Variants in MACROD2 observed in about 807,000 individuals in gnomAD.
MACROD2 encodes ADP-ribose glycohydrolase MACROD2.
In MACROD2, 36 loss-of-function variants were observed where a neutral mutation model predicts 70.4. The observed-to-expected ratio is 0.51, with a 90% CI of 0.39 to 0.68. MACROD2 has a LOEUF of 0.68. Among genes scored for constraint, MACROD2 ranks in the 30% least tolerant of loss-of-function variants. The pLI is 0.00. For missense variants in MACROD2, 496 were observed against 538.4 expected, an observed-to-expected ratio of 0.92 and a Z score of 0.78; for synonymous variants, 172 against 178.8, an observed-to-expected ratio of 0.96 and a Z score of 0.30.
intron 6 of MACROD2, among the ~76,000 whole-genome samples, chr20:15,396,579 A>T (rs2146301293): frequency 6.6e-6 from 1 of 152,362 alleles, no homozygotes; most frequent in Middle Eastern, 3.4e-3. Context: ...CAGGGCTCAG[A>T]GAGCGTTTTG....
At chr20:15,549,402 G>A (rs1045940051) in intron 8 of MACROD2, among the ~76,000 whole-genome samples, 1 of 152,168 alleles carries the variant, frequency 6.6e-6, no homozygotes, top group Non-Finnish European at 1.5e-5. Context: ...TATCTAAGCT[G>A]CAAGAGTTTG....
At chr20:14,220,832 C>T (rs1351679137) in intron 3 of MACROD2, among the ~76,000 whole-genome samples, 1 of 152,146 alleles carries the variant, frequency 6.6e-6, no homozygotes, top group African/African-American at 2.4e-5. Flanking sequence ...GGAGGGTCTC[C>T]CTCTCCCACT....
At chr20:15,792,007 A>T (rs1332364896) in intron 8 of MACROD2, among the ~76,000 whole-genome samples, 1 of 152,094 alleles carries the variant, frequency 6.6e-6, no homozygotes, top group Non-Finnish European at 1.5e-5. Flanking sequence ...AAATAGTATT[A>T]TCTATATAAA....
At chr20:15,518,304 G>A (rs952912525) in intron 8 of MACROD2, among the ~76,000 whole-genome samples, 1 of 152,234 alleles carries the variant, frequency 6.6e-6, no homozygotes, top group Non-Finnish European at 1.5e-5. Flanking sequence ...TGAGAAGATT[G>A]ATGAAATGGT....
At chr20:14,271,804 C>T (rs1402671154) in intron 3 of MACROD2, among the ~76,000 whole-genome samples, 1 of 152,088 alleles carries the variant, frequency 6.6e-6, no homozygotes, top group Admixed American at 6.5e-5. Context: ...CTTAAAGGAG[C>T]TGATGGAGCT....
intron 5 of MACROD2, among the ~76,000 whole-genome samples, chr20:14,827,375 A>G (rs2072913695): frequency 6.6e-6 from 1 of 152,154 alleles, no homozygotes; most frequent in African/African-American, 2.4e-5. Context: ...CAGCCCCTAC[A>G]TACAACAACA....
intron 8 of MACROD2, among the ~76,000 whole-genome samples, chr20:15,682,545 C>T (rs1160118637): frequency 6.6e-6 from 1 of 152,118 alleles, no homozygotes; most frequent in Non-Finnish European, 1.5e-5. Flanking sequence ...TTCATTTTTA[C>T]AAGAAGAAAC....
intron 13 of MACROD2, among the ~76,000 whole-genome samples, chr20:15,976,676 C>G (rs186187878): frequency 2.6e-5 from 4 of 152,088 alleles, no homozygotes; most frequent in Non-Finnish European, 5.9e-5. Context: ...AAGCCTGCCT[C>G]GTTTTCAAAG....
intron 5 of MACROD2, among the ~76,000 whole-genome samples, chr20:15,069,005 G>A (rs952024086): frequency 9.2e-5 from 14 of 152,170 alleles, no homozygotes; most frequent in African/African-American, 3.4e-4. Flanking sequence ...AATATGGACA[G>A]TGAAGGCCAG....
intron 10 of MACROD2, among the ~76,000 whole-genome samples, chr20:15,898,200 G>A (rs76746959): frequency 0.02 from 3,091 of 152,018 alleles, 58 homozygotes; most frequent in Middle Eastern, 0.041. Context: ...TGCCTCACAC[G>A]TGTGGCTCAT....
In MACROD2 at chr20:15,725,898, T is replaced by C. The variant is rs1038193375; in HGVS notation, c.646-136847T>C. Among the ~76,000 whole-genome samples, 3 of 152,212 alleles carry C rather than the reference T, an allele frequency of 2.0e-5. No homozygotes were observed. The East Asian group carries it at 5.8e-4, about 29-fold the overall frequency. On this transcript the variant is annotated intron_variant, in intron 8 of 17. Transcript: ENST00000684519. ...TGCAGGAACATCTGCGGGTTTGTTATATAGGTAAATTGTGTAAATTTACCT... is the reference window on the plus strand; with the variant it reads ...TGCAGGAACATCTGCGGGTTTGTTACATAGGTAAATTGTGTAAATTTACCT...
At chr20:15,881,611 C>A (rs1446926066) in intron 9 of MACROD2, among the ~76,000 whole-genome samples, 6 of 152,100 alleles carry the variant, frequency 3.9e-5, no homozygotes, top group Non-Finnish European at 7.4e-5. Flanking sequence ...CTTGGGACCT[C>A]TAGAACAATG....
chr20:15,231,997 C>G (rs967434266), intron 6 of MACROD2, among the ~76,000 whole-genome samples: 28 of 152,006 alleles, frequency 1.8e-4, no homozygotes, highest in Non-Finnish European at 4.4e-5. Context: ...TGGTAGACTA[C>G]AGTTGCCATC....
intron 8 of MACROD2, among the ~76,000 whole-genome samples, chr20:15,788,985 C>T (rs560898686): frequency 6.6e-6 from 1 of 152,266 alleles, no homozygotes; most frequent in East Asian, 1.9e-4. Context: ...AAGCATTTTG[C>T]TTTGCATATT....
rs1404844224 is a variant in MACROD2 at position 16,052,047 on chromosome 20, C to G, written c.*2171C>G. The G allele has an allele frequency of 6.6e-6, 1 of 152,122 alleles. No individual in the cohort carries two copies. The highest frequency in any genetic ancestry group is 1.5e-5 in the Non-Finnish European group (1 of 68,014). The allele number at this position is 152,122 out of a possible 1,614,324, so 9.4% of individuals were successfully genotyped here. A position where few individuals can be genotyped will look rare whatever the true frequency, so the allele number is the denominator to read the frequency against. On this transcript the variant is annotated 3_prime_UTR_variant, in exon 18 of 18. Transcript: ENST00000684519. ...AGGGAATTCTCTCTGCCTAAAAATT[C>G]TAGAAGAATGAAAGTAATCTTTGTA...
chr20:15,033,146 G>C (rs1356396683), intron 5 of MACROD2, among the ~76,000 whole-genome samples: 1 of 152,172 alleles, frequency 6.6e-6, no homozygotes, highest in Non-Finnish European at 1.5e-5. Flanking sequence ...GAAATGGATA[G>C]TGGTGATGGT....
chr20:15,526,668 A>G (rs146985793), intron 8 of MACROD2, among the ~76,000 whole-genome samples: 1 of 152,350 alleles, frequency 6.6e-6, no homozygotes, highest in Non-Finnish European at 1.5e-5. Context: ...AGTTGGATCT[A>G]CTAACTTGAT....
At chr20:16,016,011 A>C (rs1030365453) in intron 15 of MACROD2, among the ~76,000 whole-genome samples, 11 of 152,082 alleles carry the variant, frequency 7.2e-5, no homozygotes, top group African/African-American at 2.7e-4. Flanking sequence ...TTTCCTACTA[A>C]TTAAGAAACT....
At chr20:14,886,622 G>T (rs2073679266) in intron 5 of MACROD2, among the ~76,000 whole-genome samples, 1 of 152,136 alleles carries the variant, frequency 6.6e-6, no homozygotes, top group Non-Finnish European at 1.5e-5. Context: ...AGAGGACTCT[G>T]TCCAACTTGT....
Sources: allele counts gnomAD v4.1 joint callset (sites outside exome capture counted in the v4.1 genomes callset), GRCh38; gene constraint gnomAD v4.1.1; transcripts MANE v1.5; gene names NCBI Gene and HGNC (gene_info 2026-07-23, HGNC 2026-07-21).